Variants in MYRFL observed in about 807,000 individuals in gnomAD.
MYRFL encodes the protein myelin regulatory factor like, also known as myelin regulatory factor-like protein.
A neutral mutation model predicts 109.4 loss-of-function variants in MYRFL; 88 were observed. The observed-to-expected ratio is 0.80, with a 90% CI of 0.68 to 0.96. MYRFL has a LOEUF of 0.96. Among genes scored for constraint, MYRFL ranks in the 40% least tolerant of loss-of-function variants. The pLI, the probability that MYRFL is intolerant of heterozygous loss-of-function variation, is 0.00. For synonymous variants in MYRFL, 324 were observed against 320.9 expected (o/e 1.01, Z -0.10); for missense variants, 957 against 954.9 (o/e 1.00, Z -0.03).
At chr12:69,838,508 T>G (rs1386620879) in intron 1 of MYRFL, among the ~76,000 whole-genome samples, 2 of 152,226 alleles carry the variant, frequency 1.3e-5, no homozygotes, top group Non-Finnish European at 2.9e-5. Context: ...TCCTGTCATT[T>G]AAAAGAAATT....
intron 13 of MYRFL, among the ~76,000 whole-genome samples, chr12:69,924,426 G>A (rs1256493282): frequency 1.3e-5 from 2 of 152,056 alleles, no homozygotes; most frequent in Non-Finnish European, 2.9e-5. Flanking sequence ...CTCCATAACA[G>A]TATATAGAGA....
intron 1 of MYRFL, among the ~76,000 whole-genome samples, chr12:69,853,204 G>C (rs1291769047): frequency 6.6e-6 from 1 of 151,234 alleles, no homozygotes; most frequent in Non-Finnish European, 1.5e-5. Flanking sequence ...GGCAGCTGCC[G>C]GGCAGGGGCT....
At chr12:69,936,078 GTTTTTTTTTTT>G (rs71098067) in intron 16 of MYRFL, 24 bp from the exon 17 acceptor site, 105 of 893,882 alleles carry the variant, frequency 1.2e-4, no homozygotes, top group African/African-American at 3.7e-4. Flanking sequence ...GCCACATAAT[GTTTTTTTTTTT>G]TTTTTTTTTT....
chr12:69,878,177 A>C (rs1319777102), intron 2 of MYRFL, among the ~76,000 whole-genome samples: 1 of 143,116 alleles, frequency 7.0e-6, no homozygotes, highest in Non-Finnish European at 1.5e-5. Context: ...TGGGAGGTGG[A>C]GGTTGCAGTG....
chr12:69,887,785 A>AACAG (rs1886548885), intron 6 of MYRFL, among the ~76,000 whole-genome samples: 1 of 152,244 alleles, frequency 6.6e-6, no homozygotes, highest in Admixed American at 6.5e-5. Context: ...TAGGGAGTTA[A>AACAG]ACAGACTTTG....
intron 15 of MYRFL, among the ~76,000 whole-genome samples, chr12:69,928,151 A>G (rs1955156306): frequency 6.6e-6 from 1 of 152,164 alleles, no homozygotes; most frequent in Admixed American, 6.5e-5. Context: ...TCCCTTTGAT[A>G]TTTGGTACTA....
rs552454467 is a variant in MYRFL, at chr12:69,945,029, A to AAAAT, written c.2225-7080_2225-7077dup. ...GATATTTAAAATGTGAAAAAAAATT[A>AAAAT]AAATAAAGATATAAAGAAAGAAAAT... On this transcript the variant is annotated intron_variant, in intron 19 of 24. Coordinates refer to ENST00000552032, the MANE Select transcript of MYRFL (RefSeq NM_182530.3). Among the ~76,000 whole-genome samples, 328 of 152,286 alleles carry AAAAT rather than the reference A, an allele frequency of 2.2e-3. 3 individuals carry two copies. Among genetic ancestry groups the AAAAT allele is most frequent in the African/African-American group, 7.4e-3 (307 of 41,564 alleles).
chr12:69,957,561 T>TA (rs1388856051), intron 22 of MYRFL, among the ~76,000 whole-genome samples: 3 of 152,008 alleles, frequency 2.0e-5, no homozygotes, highest in Admixed American at 1.3e-4. Context: ...CTTGTCTCTA[T>TA]AAAAAAATAG....
Position 69,936,177 on chromosome 12 carries a change from C to T in MYRFL, c.1981C>T (p.Leu661Phe). Residue 661 changes from leucine to phenylalanine, a missense_variant, in exon 17 of 25, where the codon CTC becomes TTC. Transcript: ENST00000552032. ...LKDQDRRVPN[L>F]PPSNITSSQE... ...AGATCAAGACCGACGTGTCCCAAAT[C>T]TCCCTCCAAGGTGAGAGTTCAGTTC... The T allele has an allele frequency of 7.5e-7, 1 of 1,342,276 alleles. No individual in the cohort carries two copies. Among genetic ancestry groups the T allele is most frequent in the Non-Finnish European group, 9.7e-7 (1 of 1,030,564 alleles). 83.1% of individuals were successfully genotyped at this position (1,342,276 alleles called of 1,614,324 possible).
chr12:69,860,069 G>A (rs989393663), intron 2 of MYRFL, among the ~76,000 whole-genome samples: 1 of 152,114 alleles, frequency 6.6e-6, no homozygotes, highest in African/African-American at 2.4e-5. Context: ...GCATCCATTA[G>A]CTATTCTTCC....
At chr12:69,868,098 C>CTTTTTT (rs1454241117) in intron 2 of MYRFL, among the ~76,000 whole-genome samples, 1 of 143,152 alleles carries the variant, frequency 7.0e-6, no homozygotes, top group Non-Finnish European at 1.5e-5. Flanking sequence ...GCCTCGGTTT[C>CTTTTTT]TTTTTTTTTT....
At chr12:69,953,180 C>G (rs1956021808) in intron 21 of MYRFL, among the ~76,000 whole-genome samples, 1 of 152,200 alleles carries the variant, frequency 6.6e-6, no homozygotes, top group African/African-American at 2.4e-5. Flanking sequence ...GGGCACATAT[C>G]AAGGGCACAG....
In MYRFL at chr12:69,834,539, C is replaced by T. The variant is rs187477889; in HGVS notation, c.46+8976C>T. Reference sequence around the variant, plus strand: ...GGGGATAATAACACCTACCCTCTTACGGTTGTGAAGATTAATGATAAAACG... The same window carrying T: ...GGGGATAATAACACCTACCCTCTTATGGTTGTGAAGATTAATGATAAAACG... On this transcript the variant is annotated intron_variant, in intron 1 of 24. Transcript: ENST00000552032. Among the ~76,000 whole-genome samples the T allele has an allele frequency of 2.8e-3, 429 of 152,186 alleles. 6 individuals are homozygous for T. The highest frequency in any genetic ancestry group is 9.6e-3 in the African/African-American group (397 of 41,508).
At chr12:69,912,235 C>G (rs1325714087) in intron 13 of MYRFL, among the ~76,000 whole-genome samples, 1 of 152,202 alleles carries the variant, frequency 6.6e-6, no homozygotes, top group Admixed American at 6.5e-5. Flanking sequence ...CCTGGGCTAT[C>G]ATTTCACTTG....
Position 69,865,978 on chromosome 12 carries a change from T to G in MYRFL, c.137+10608T>G, listed in dbSNP as rs184936724. ...ATCTCGTTCTCTTAACTCTTCCAAATAGGTATATTATCTGTGTTTTACAGA... is the reference window on the plus strand; with the variant it reads ...ATCTCGTTCTCTTAACTCTTCCAAAGAGGTATATTATCTGTGTTTTACAGA... On this transcript the variant is annotated intron_variant, in intron 2 of 24. Coordinates refer to ENST00000552032, the MANE Select transcript of MYRFL (RefSeq NM_182530.3). 2.6e-3 allele frequency among the ~76,000 whole-genome samples: 394 copies of G among 152,276 alleles called. 5 individuals carry two copies. The highest frequency in any genetic ancestry group is 8.7e-3 in the African/African-American group (363 of 41,552).
In MYRFL at chr12:69,890,971, A is replaced by G. The variant is rs1156641872; in HGVS notation, c.708A>G (p.Leu236=). ...HSLLNSHYEK[L]PDVGYRVVTD... The stretch of plus-strand genomic sequence containing the variant: ...GGTTTCTTGGTTTCTCTTTTCATAG[A>G]CCTGATGTGGGCTATCGAGTTGTAA... The change falls in exon 7 of 25, where the codon CTA becomes CTG. Residue 236 remains leucine, a splice_region_variant and synonymous_variant. Transcript: ENST00000552032. The G allele has an allele frequency of 1.3e-6, 2 of 1,492,350 alleles. No homozygotes were observed. Among genetic ancestry groups the G allele is most frequent in the Admixed American group, 4.6e-5 (2 of 43,512 alleles). 92.4% of individuals were successfully genotyped at this position (1,492,350 alleles called of 1,614,324 possible).
At chr12:69,945,986 C>CAAAAAAAAAAAAAAAAAAAAAAAA (rs56988555) in intron 19 of MYRFL, among the ~76,000 whole-genome samples, 2 of 42,328 alleles carry the variant, frequency 4.7e-5, no homozygotes, top group Non-Finnish European at 8.2e-5. Context: ...GACTCCGTCT[C>CAAAAAAAAAAAAAAAAAAAAAAAA]AAAAAAAAAA....
chr12:69,872,758 C>T (rs965548626), intron 2 of MYRFL, among the ~76,000 whole-genome samples: 6 of 151,942 alleles, frequency 3.9e-5, no homozygotes, highest in African/African-American at 1.5e-4. Context: ...CTCGGCCTCC[C>T]AAAGTGCTGG....
At position 69,843,257 on chromosome 12, in the gene MYRFL, C is replaced by T. The variant is rs1479568812; in HGVS notation, c.47-12023C>T. On this transcript the variant is annotated intron_variant, in intron 1 of 24. Coordinates refer to ENST00000552032, the MANE Select transcript of MYRFL (RefSeq NM_182530.3). ...CATTTCTGCTCCAGTTTTTCATGAACACTGGCATGTCAGAGGGAAACTATG... is the reference window on the plus strand; with the variant it reads ...CATTTCTGCTCCAGTTTTTCATGAATACTGGCATGTCAGAGGGAAACTATG... Among the ~76,000 whole-genome samples, 4 of 152,312 alleles carry T rather than the reference C, an allele frequency of 2.6e-5. No individual in the cohort carries two copies. The South Asian group carries it at 6.2e-4, about 24-fold the overall frequency.
Sources: gnomAD v4.1 joint callset for allele counts (sites outside exome capture counted in the v4.1 genomes callset) on GRCh38, gnomAD v4.1.1 for gene constraint, MANE v1.5 for transcripts, NCBI Gene and HGNC (gene_info 2026-07-23, HGNC 2026-07-21) for gene names.